Variants in PRRC2B observed in about 807,000 individuals in gnomAD.
PRRC2B encodes the protein protein PRRC2B.
PRRC2B carries 68 observed loss-of-function variants against 242.3 expected under a neutral mutation model. The observed-to-expected ratio is 0.28, with a 90% CI of 0.23 to 0.34. The LOEUF (loss-of-function observed/expected upper bound fraction) is 0.34, where lower values mean the gene tolerates loss of function less well. Ranked by LOEUF, PRRC2B falls within the 10% of genes least tolerant of loss-of-function variation. PRRC2B has a pLI of 1.00. For synonymous variants in PRRC2B, 1,228 were observed against 1,173.6 expected (o/e 1.05, Z -0.95); for missense variants, 2,835 against 2,954.8 (o/e 0.96, Z 0.94).
In PRRC2B at chr9:131,470,848, C is replaced by A; in HGVS notation, c.1972C>A (p.Arg658Ser). The change falls in exon 14 of 32, where the codon CGC (arginine) becomes AGC (serine). Residue 658 changes from arginine to serine, a missense_variant. Arg to Ser is a moderately radical substitution (Grantham distance 110). Transcript: ENST00000683519. ...GTACCCCCCGCCGTCCCACCCCCAGCGCACCTTTTACCCACACCACCCCCA... is the reference window on the plus strand; with the variant it reads ...GTACCCCCCGCCGTCCCACCCCCAGAGCACCTTTTACCCACACCACCCCCA... ...PVYPPPSHPQ[R>S]TFYPHHPQML... The A allele has an allele frequency of 3.1e-6, 5 of 1,610,586 alleles. No homozygotes were observed. The highest frequency in any genetic ancestry group is 4.2e-6 in the Non-Finnish European group (5 of 1,177,570).
At chr9:131,432,847 C>A (rs1023224756) in intron 3 of PRRC2B, 53 bp downstream of exon 3, 3 of 1,582,140 alleles carry the variant, frequency 1.9e-6, no homozygotes, top group Non-Finnish European at 2.6e-6. Context: ...AGGGTGGTCC[C>A]GGCATCCTTC....
chr9:131,475,506 C>T lies in PRRC2B; in HGVS notation c.3377C>T (p.Pro1126Leu). 4 of 1,607,976 alleles carry T rather than the reference C, an allele frequency of 2.5e-6. No individual in the cohort carries two copies. In the Admixed American group the frequency reaches 6.8e-5, roughly 27 times the overall value. ...CCAGAGGACTGCCCCAGAGCCAAGC[C>T]CCGACGGAGAGTTGCCAGTGAGACC... Reference protein sequence around the residue: ...ARPEDCPRAKPRRRVASETHS... With the variant: ...ARPEDCPRAKLRRRVASETHS... The change falls in exon 16 of 32, where the codon CCC becomes CTC. Residue 1126 changes from proline to leucine, a missense_variant. Around this residue, in one of 7 missense-constraint regions of PRRC2B, gnomAD observed 1,536 missense variants for 1,483.1 expected, o/e 1.04. Transcript: ENST00000683519.
chr9:131,444,233 C>T lies in PRRC2B; in HGVS notation c.518C>T (p.Pro173Leu), dbSNP rs752736424. ...RLLSFSPEEF[P>L]TLKAAGGQDK... is the part of the protein sequence containing the mutation. ...TTATCCTTCTCTCCCGAGGAATTTC[C>T]GACGCTGAAAGCAGCTGGAGGGCAG... The change falls in exon 6 of 32, where the codon CCG becomes CTG. Residue 173 changes from proline (P) to leucine (L), a missense_variant. Coordinates refer to ENST00000683519, the MANE Select transcript of PRRC2B (RefSeq NM_013318.4). The T allele has an allele frequency of 6.2e-7, 1 of 1,613,938 alleles. No individual in the cohort carries two copies. The highest frequency in any genetic ancestry group is 8.5e-7 in the Non-Finnish European group (1 of 1,179,870).
rs760970653 is a variant in PRRC2B, at chr9:131,478,496, G to A, written c.4635G>A (p.Gly1545=). Residue 1545 remains glycine (G), a synonymous_variant, in exon 18 of 32, where the codon GGG becomes GGA. Transcript: ENST00000683519. ...NYGSAIIENC[G]SSPGEESEVG... ...CAGGTGCCATCATTGAAAATTGCGG[G>A]TCCAGCCCCGGGGAGGAGAGTGAGG... The A allele has an allele frequency of 6.2e-7, 1 of 1,613,668 alleles. No individual in the cohort carries two copies.
At chr9:131,483,135 G>A (rs892245341) in intron 22 of PRRC2B, among the ~76,000 whole-genome samples, 3 of 152,110 alleles carry the variant, frequency 2.0e-5, no homozygotes, top group African/African-American at 7.2e-5. Flanking sequence ...GATCTTCCCT[G>A]TTTCTGTCAG....
chr9:131,382,264 T>A (rs993200865), intron 1 of PRRC2B, among the ~76,000 whole-genome samples: 9 of 152,226 alleles, frequency 5.9e-5, no homozygotes, highest in African/African-American at 2.2e-4. Flanking sequence ...TGATCCACCC[T>A]CCTCGGCTTC....
At chr9:131,485,549 TG>T in intron 25 of PRRC2B, 1 of 510,272 alleles carries the variant, frequency 2.0e-6, no homozygotes, top group Non-Finnish European at 3.8e-6. Context: ...GAAAGGGCTT[TG>T]TATCAACAGA....
At chr9:131,442,355 T>C (rs1187836941) in intron 5 of PRRC2B, among the ~76,000 whole-genome samples, 3 of 152,130 alleles carry the variant, frequency 2.0e-5, no homozygotes, top group Non-Finnish European at 4.4e-5. Context: ...CTGGTGATAC[T>C]GTATTTTAAA....
At chr9:131,424,882 G>A (rs956746706) in intron 1 of PRRC2B, among the ~76,000 whole-genome samples, 1 of 152,182 alleles carries the variant, frequency 6.6e-6, no homozygotes, top group African/African-American at 2.4e-5. Context: ...TTTACTGGGA[G>A]GACATAGTTC....
intron 28 of PRRC2B, chr9:131,490,785 G>A (rs979247741): frequency 5.6e-6 from 2 of 360,110 alleles, no homozygotes; most frequent in Non-Finnish European, 5.5e-6. Flanking sequence ...AGTCTTGAAC[G>A]TGTGTGCTGT....
At position 131,466,293 on chromosome 9, in the gene PRRC2B, T is replaced by C. The variant is rs190751574; in HGVS notation, c.1720+1215T>C. On this transcript the variant is annotated intron_variant, in intron 12 of 31. Transcript: ENST00000683519. Reference sequence around the variant, plus strand: ...TTGAGTGAGGACTGTGCCACTCTTATAGGAAAGTTGCACTGAGCATTTTCT... The same window carrying C: ...TTGAGTGAGGACTGTGCCACTCTTACAGGAAAGTTGCACTGAGCATTTTCT... 2.3e-3 allele frequency among the ~76,000 whole-genome samples: 354 copies of C among 152,342 alleles called. 7 individuals are homozygous for C. The highest frequency in any genetic ancestry group is 0.021 in the Admixed American group (328 of 15,306).
intron 18 of PRRC2B, 30 bp downstream of exon 18, chr9:131,478,649 G>GGGGGGGGGGGGGCCCCGGGGC: frequency 2.0e-6 from 1 of 504,558 alleles, no homozygotes; most frequent in Non-Finnish European, 4.0e-6. Context: ...GGGGCATGGG[G>GGGGGGGGGGGGGCCCCGGGGC]CTGGAGGGCA....
At chr9:131,413,417 C>T (rs56148013) in intron 1 of PRRC2B, among the ~76,000 whole-genome samples, 19,020 of 152,150 alleles carry the variant, frequency 0.13, 1,278 homozygotes, top group African/African-American at 0.15. Flanking sequence ...AGCGACTGTA[C>T]CCTTTCTGCA....
chr9:131,406,523 A>G (rs1837365212), intron 1 of PRRC2B, among the ~76,000 whole-genome samples: 5 of 152,198 alleles, frequency 3.3e-5, no homozygotes, highest in Admixed American at 3.3e-4. Context: ...CCTCAGGCCG[A>G]CAGGAGTGTT....
intron 1 of PRRC2B, among the ~76,000 whole-genome samples, chr9:131,396,209 A>G (rs1393553964): frequency 6.6e-6 from 1 of 151,144 alleles, no homozygotes; most frequent in Admixed American, 6.6e-5. Flanking sequence ...GTGTTTGTTG[A>G]TTATCTGTTT....
At chr9:131,437,404 A>T (rs1387345703) in intron 4 of PRRC2B, among the ~76,000 whole-genome samples, 1 of 152,226 alleles carries the variant, frequency 6.6e-6, no homozygotes, top group Non-Finnish European at 1.5e-5. Flanking sequence ...GCAAGAGCTC[A>T]TAACACACTC....
chr9:131,484,819 C>T (rs1943972656), intron 24 of PRRC2B, 29 bp downstream of exon 24: 3 of 1,584,488 alleles, frequency 1.9e-6, no homozygotes, highest in Admixed American at 3.5e-5. Context: ...TGGGTGAGGG[C>T]CCACCCAGTA....
chr9:131,406,630 A>G (rs576107239), intron 1 of PRRC2B, among the ~76,000 whole-genome samples: 33 of 152,304 alleles, frequency 2.2e-4, no homozygotes, highest in African/African-American at 7.9e-4. Context: ...CCAAATGGAT[A>G]CGGAACCTGT....
intron 23 of PRRC2B, 58 bp downstream of exon 23, chr9:131,483,503 G>A (rs1216491647): frequency 1.2e-5 from 17 of 1,467,812 alleles, no homozygotes; most frequent in Non-Finnish European, 1.5e-5. Context: ...CAGGCCCTGG[G>A]TGAAGGAGAC....
Sources: allele counts gnomAD v4.1 joint callset (sites outside exome capture counted in the v4.1 genomes callset), GRCh38; gene constraint gnomAD v4.1.1; regional missense constraint gnomAD v4.1.1; transcripts MANE v1.5; gene names NCBI Gene and HGNC (gene_info 2026-07-23, HGNC 2026-07-21).